Variants in CCSER1 observed in about 807,000 individuals in gnomAD.
CCSER1 encodes coiled-coil serine rich protein 1.
A neutral mutation model predicts 82.0 loss-of-function variants in CCSER1; 41 were observed. That is an observed-to-expected ratio of 0.50 (90% CI 0.39 to 0.65). CCSER1 has a LOEUF of 0.65. Among genes scored for constraint, CCSER1 ranks in the 30% least tolerant of loss-of-function variants. The pLI is 0.00. For synonymous variants in CCSER1, 414 were observed against 383.9 expected (o/e 1.08, Z -0.92); for missense variants, 1,119 against 1,064.2 (o/e 1.05, Z -0.72).
chr4:91,384,525 A>C (rs1367229680), intron 10 of CCSER1, among the ~76,000 whole-genome samples: 1 of 152,006 alleles, frequency 6.6e-6, no homozygotes, highest in African/African-American at 2.4e-5. Flanking sequence ...GTCATTTAGG[A>C]TAAGATACAA....
At chr4:91,182,720 C>G (rs1734156920) in intron 10 of CCSER1, among the ~76,000 whole-genome samples, 2 of 152,204 alleles carry the variant, frequency 1.3e-5, no homozygotes, top group Non-Finnish European at 2.9e-5. Flanking sequence ...ACACTTAACA[C>G]AGGCGGAAGA....
intron 10 of CCSER1, among the ~76,000 whole-genome samples, chr4:91,560,101 C>T (rs923695484): frequency 6.6e-6 from 1 of 151,294 alleles, no homozygotes; most frequent in Non-Finnish European, 1.5e-5. Context: ...ATACTCTAGT[C>T]ACTCAAGGTA....
At chr4:91,542,806 T>C (rs1433965789) in intron 10 of CCSER1, among the ~76,000 whole-genome samples, 2 of 152,224 alleles carry the variant, frequency 1.3e-5, no homozygotes, top group Non-Finnish European at 2.9e-5. Context: ...GTTCTGTAGA[T>C]GTCTATCAGG....
intron 4 of CCSER1, among the ~76,000 whole-genome samples, chr4:90,452,569 G>T (rs1003397808): frequency 2.0e-5 from 3 of 152,190 alleles, no homozygotes; most frequent in Admixed American, 6.5e-5. Flanking sequence ...CCTATGGGGT[G>T]CTGGGCTGGA....
chr4:91,526,959 T>C (rs1035701847), intron 10 of CCSER1, among the ~76,000 whole-genome samples: 5 of 76,678 alleles, frequency 6.5e-5, no homozygotes, highest in African/African-American at 4.4e-4. Flanking sequence ...AACTCTCCTT[T>C]GATGCAGTCA....
chr4:91,196,418 A>G (rs566311743), intron 10 of CCSER1, among the ~76,000 whole-genome samples: 4 of 152,340 alleles, frequency 2.6e-5, no homozygotes, highest in South Asian at 4.1e-4. Context: ...ACAGAACACC[A>G]CAAGAGTCAG....
chr4:91,123,997 G>C (rs2148895952), intron 10 of CCSER1, among the ~76,000 whole-genome samples: 1 of 151,748 alleles, frequency 6.6e-6, no homozygotes, highest in South Asian at 2.1e-4. Context: ...TCCACTGTGA[G>C]CAGGACACAC....
At position 90,897,233 on chromosome 4, in the gene CCSER1, A is replaced by T. The variant is rs537607154; in HGVS notation, c.2095-26137A>T. On this transcript the variant is annotated intron_variant, in intron 8 of 10. Transcript: ENST00000509176. Reference sequence around the variant, plus strand: ...TGGGTTTCAAGGGAACCCATCACCCAAATAGTGAAGAGAGTATCCAATAGG... The same window carrying T: ...TGGGTTTCAAGGGAACCCATCACCCTAATAGTGAAGAGAGTATCCAATAGG... Among the ~76,000 whole-genome samples the T allele has an allele frequency of 4.6e-5, 7 of 152,064 alleles. No individual in the cohort carries two copies. In the East Asian group the frequency reaches 1.4e-3, roughly 29 times the overall value.
chr4:90,618,064 T>G (rs1406467288), intron 5 of CCSER1, among the ~76,000 whole-genome samples: 2 of 152,050 alleles, frequency 1.3e-5, no homozygotes, highest in East Asian at 3.9e-4. Flanking sequence ...TCACAAGTCC[T>G]TTTGTTACTT....
At position 90,417,587 on chromosome 4, in the gene CCSER1, G is replaced by T. The variant is rs116221935; in HGVS notation, c.1603+17458G>T. On this transcript the variant is annotated intron_variant, in intron 4 of 10. Transcript: ENST00000509176. ...TTTTGGTTATTTATTTAGTATATTA[G>T]ATCTGAAAACACCTAGGGCAGTGTC... is the stretch of plus-strand genomic sequence containing the variant. 2.0e-5 allele frequency among the ~76,000 whole-genome samples: 3 copies of T among 152,070 alleles called. No homozygotes were observed. The South Asian group carries it at 6.2e-4, about 32-fold the overall frequency.
intron 1 of CCSER1, among the ~76,000 whole-genome samples, chr4:90,155,446 A>G (rs1288523538): frequency 1.3e-5 from 2 of 152,144 alleles, no homozygotes; most frequent in Non-Finnish European, 2.9e-5. Flanking sequence ...ATAGTTTCAG[A>G]AGGAATGGTA....
chr4:90,293,309 T>A (rs1731267089), intron 1 of CCSER1, among the ~76,000 whole-genome samples: 1 of 151,666 alleles, frequency 6.6e-6, no homozygotes, highest in Admixed American at 6.6e-5. Flanking sequence ...AGAAAAACTT[T>A]AGAAACTCTG....
At chr4:91,415,813 T>C (rs1187558725) in intron 10 of CCSER1, among the ~76,000 whole-genome samples, 2 of 152,158 alleles carry the variant, frequency 1.3e-5, no homozygotes, top group Non-Finnish European at 2.9e-5. Flanking sequence ...CGTTTGCCAG[T>C]ATTTTAATAG....
At chr4:91,558,989 A>G (rs1188948413) in intron 10 of CCSER1, among the ~76,000 whole-genome samples, 2 of 151,560 alleles carry the variant, frequency 1.3e-5, no homozygotes, top group Non-Finnish European at 3.0e-5. Flanking sequence ...ATATCTACAG[A>G]ATGGTTCATG....
chr4:90,822,942 A>G (rs1759957785), intron 8 of CCSER1, among the ~76,000 whole-genome samples: 2 of 152,222 alleles, frequency 1.3e-5, no homozygotes, highest in South Asian at 4.1e-4. Context: ...TACTAACATT[A>G]CAACAACTAT....
At chr4:91,107,518 G>T (rs1421154695) in intron 10 of CCSER1, among the ~76,000 whole-genome samples, 1 of 152,128 alleles carries the variant, frequency 6.6e-6, no homozygotes, top group African/African-American at 2.4e-5. Flanking sequence ...GCCTCCCATA[G>T]TGCTGGGATT....
At position 90,308,460 on chromosome 4, in the gene CCSER1, G is replaced by A. The variant is rs200969775; in HGVS notation, c.176G>A (p.Arg59Gln). The A allele has an allele frequency of 1.3e-4, 205 of 1,613,710 alleles. No homozygotes were observed. Among genetic ancestry groups the A allele is most frequent in the Non-Finnish European group, 1.7e-4 (197 of 1,179,826 alleles). ...TNSSSGSTGKRRSIFRTPSIS... is the reference protein window; with the variant it reads ...TNSSSGSTGKQRSIFRTPSIS... The stretch of plus-strand genomic sequence containing the variant: ...TCAAGCTCAGGTAGCACAGGTAAAC[G>A]GAGGAGCATATTCCGTACTCCTTCC... The change falls in exon 2 of 11, where the codon CGG becomes CAG. Residue 59 changes from arginine (R) to glutamine (Q), a missense_variant. By Grantham distance (43) the Arg-to-Gln change is conservative (BLOSUM62 1). Transcript: ENST00000509176.
At chr4:90,274,828 A>G (rs1448806398) in intron 1 of CCSER1, among the ~76,000 whole-genome samples, 2 of 152,156 alleles carry the variant, frequency 1.3e-5, no homozygotes, top group African/African-American at 4.8e-5. Flanking sequence ...AAATGGATAC[A>G]TTAAACATAT....
intron 7 of CCSER1, among the ~76,000 whole-genome samples, chr4:90,745,584 T>A (rs1443210306): frequency 6.6e-6 from 1 of 151,962 alleles, no homozygotes; most frequent in East Asian, 1.9e-4. Flanking sequence ...GTATTTGCAA[T>A]GCACATTACT....
Sources: gnomAD v4.1 joint callset for allele counts (sites outside exome capture counted in the v4.1 genomes callset) on GRCh38, gnomAD v4.1.1 for gene constraint, MANE v1.5 for transcripts, NCBI Gene and HGNC (gene_info 2026-07-23, HGNC 2026-07-21) for gene names.